The following USP33 variants were observed in gnomAD, a reference collection of about 807,000 sequenced individuals.
The protein encoded by USP33 is ubiquitin specific peptidase 33.
A neutral mutation model predicts 124.2 loss-of-function variants in USP33; 46 were observed. That is an observed-to-expected ratio of 0.37 (90% CI 0.29 to 0.47). The LOEUF (loss-of-function observed/expected upper bound fraction) is 0.47. Ranked by LOEUF, USP33 falls within the 20% of genes least tolerant of loss-of-function variation. The probability of loss-of-function intolerance (pLI) is 0.99; values close to 1 mark genes in which losing one functional copy is unlikely to be tolerated. For missense variants in USP33, 851 were observed against 1,070.6 expected, an observed-to-expected ratio of 0.79 and a Z score of 2.86; for synonymous variants, 350 against 352.3, an observed-to-expected ratio of 0.99 and a Z score of 0.07.
At chr1:77,718,747 T>G in intron 15 of USP33, 106 bp from the exon 16 acceptor site, 5 of 873,590 alleles carry the variant, frequency 5.7e-6, no homozygotes, top group Non-Finnish European at 7.3e-6. Context: ...CTGGCAAACA[T>G]GGTGAAATCC....
chr1:77,720,468 T>G (rs556984497), intron 15 of USP33: 7 of 985,414 alleles, frequency 7.1e-6, no homozygotes, highest in East Asian at 2.3e-4. Context: ...ATCAACCAAA[T>G]AGTATACCAT....
intron 19 of USP33, among the ~76,000 whole-genome samples, chr1:77,713,694 G>A (rs1437121494): frequency 1.3e-5 from 2 of 151,218 alleles, no homozygotes; most frequent in Non-Finnish European, 2.9e-5. Context: ...ATTGTGTCTG[G>A]CCATTTTTTT....
intron 21 of USP33, among the ~76,000 whole-genome samples, chr1:77,704,428 C>G (rs754732667): frequency 8.8e-4 from 134 of 152,306 alleles, no homozygotes; most frequent in Non-Finnish European, 1.6e-3. Flanking sequence ...TGAAAACTTT[C>G]AGGACTTACT....
chr1:77,706,228 C>T (rs1674613580), intron 21 of USP33, among the ~76,000 whole-genome samples: 1 of 152,170 alleles, frequency 6.6e-6, no homozygotes, highest in Admixed American at 6.5e-5. Context: ...AATTACCAAA[C>T]TGTTTATCAT....
chr1:77,700,618 A>G (rs1236477873), intron 22 of USP33, among the ~76,000 whole-genome samples: 1 of 152,102 alleles, frequency 6.6e-6, no homozygotes, highest in Non-Finnish European at 1.5e-5. Flanking sequence ...CTATTAATTT[A>G]AAATTTTAAA....
intron 1 of USP33, among the ~76,000 whole-genome samples, chr1:77,741,961 C>T (rs780531577): frequency 2.0e-4 from 30 of 152,100 alleles, no homozygotes; most frequent in Non-Finnish European, 4.0e-4. Context: ...AATTTCTCTA[C>T]TACATAAACA....
At chr1:77,736,225 CTT>C (rs1317762819) in intron 5 of USP33, 67 bp from the exon 6 acceptor site, 21 of 1,031,134 alleles carry the variant, frequency 2.0e-5, no homozygotes, top group African/African-American at 3.3e-5. Flanking sequence ...TTAATTGTAA[CTT>C]ATATAACATC....
intron 1 of USP33, among the ~76,000 whole-genome samples, chr1:77,748,483 A>G (rs1679953649): frequency 6.6e-6 from 1 of 152,102 alleles, no homozygotes; most frequent in Non-Finnish European, 1.5e-5. Context: ...AGCCTGGTCA[A>G]TATGGTGAAA....
At chr1:77,750,628 GAAAGAAAGAAAGAA>G (rs1680221262) in intron 1 of USP33, among the ~76,000 whole-genome samples, 1 of 35,402 alleles carries the variant, frequency 2.8e-5, no homozygotes, top group Non-Finnish European at 6.5e-5. Context: ...ACTTAAAAAA[GAAAGAAAGAAAGAA>G]AGAAAGAAAG....
In USP33 at chr1:77,756,118, C is replaced by CT. The variant is rs1363921623; in HGVS notation, c.-52+3524dup. Among the ~76,000 whole-genome samples the CT allele has an allele frequency of 3.3e-5, 5 of 152,138 alleles. No individual in the cohort carries two copies. The East Asian group carries it at 5.8e-4, about 18-fold the overall frequency. ...GATCCCTCCTTACTTTTTTCATTTA[C>CT]TTTTTTTGAAATGGGAGGCTCTCTA... On this transcript the variant is annotated intron_variant, in intron 1 of 23. Coordinates refer to ENST00000370794, the MANE Select transcript of USP33 (RefSeq NM_201624.3).
At position 77,736,798 on chromosome 1, in the gene USP33, AG is replaced by A. The variant is rs556713315; in HGVS notation, c.352-641del. ...CTAATTTTTGTATTTTTAGTAGAGA[AG>A]GGGTTTCACCATGTTGGCCTGAATG... On this transcript the variant is annotated intron_variant, in intron 5 of 23. Coordinates refer to ENST00000370794, the MANE Select transcript of USP33 (RefSeq NM_201624.3). 1.4e-4 allele frequency among the ~76,000 whole-genome samples: 22 copies of A among 152,096 alleles called. No individual in the cohort carries two copies. In the South Asian group the frequency reaches 4.4e-3, roughly 30 times the overall value.
At chr1:77,735,630 T>C in intron 6 of USP33, among the ~76,000 whole-genome samples, 1 of 152,172 alleles carries the variant, frequency 6.6e-6, no homozygotes, top group East Asian at 1.9e-4. Context: ...TAAAAGAATA[T>C]GAAAAATCCA....
Position 77,723,470 on chromosome 1 carries a change from A to T in USP33, c.1277-27T>A, listed in dbSNP as rs765822773. On this transcript the variant is annotated intron_variant, in intron 11 of 23. Coordinates refer to ENST00000370794, the MANE Select transcript of USP33 (RefSeq NM_201624.3). ...TAGGATTGAAAAACATTAAAAAAAA[A>T]TCAAAGCAGCTCCTTTAACATTTTT... is the stretch of plus-strand genomic sequence containing the variant. 9.5e-6 allele frequency: 14 copies of T among 1,471,772 alleles called. No homozygotes were observed. The East Asian group carries it at 3.0e-4, about 31-fold the overall frequency. 91.2% of individuals were successfully genotyped at this position (1,471,772 alleles called of 1,614,324 possible).
intron 5 of USP33, among the ~76,000 whole-genome samples, chr1:77,738,487 CT>C (rs965765130): frequency 2.2e-3 from 321 of 144,276 alleles, no homozygotes; most frequent in Middle Eastern, 3.5e-3. Flanking sequence ...ATCTTTTTTT[CT>C]TTTTTTTTTT....
chr1:77,720,631 CA>C (rs2101373337), intron 15 of USP33: 1 of 985,124 alleles, frequency 1.0e-6, no homozygotes, highest in Admixed American at 6.1e-5. Flanking sequence ...CTTTGCCTCA[CA>C]AATAGTTGCT....
intron 4 of USP33, among the ~76,000 whole-genome samples, chr1:77,740,041 T>C (rs1044588355): frequency 1.3e-5 from 2 of 152,226 alleles, no homozygotes; most frequent in Non-Finnish European, 2.9e-5. Context: ...GAATCCTGGT[T>C]GAGAACAGTT....
chr1:77,729,042 T>C (rs996296674), intron 9 of USP33, among the ~76,000 whole-genome samples: 3 of 152,034 alleles, frequency 2.0e-5, no homozygotes, highest in Non-Finnish European at 4.4e-5. Context: ...TGGGACCAGA[T>C]GCACGTGCCA....
chr1:77,758,427 G>A (rs969984864), intron 1 of USP33, among the ~76,000 whole-genome samples: 9 of 151,934 alleles, frequency 5.9e-5, no homozygotes, highest in Non-Finnish European at 1.2e-4. Flanking sequence ...GTGATCGTCG[G>A]CCTCCCAGAG....
rs1006249197 is a variant in USP33, at chr1:77,759,633, C to T, written c.-52+10G>A. On this transcript the variant is annotated intron_variant, in intron 1 of 23. Coordinates refer to ENST00000370794, the MANE Select transcript of USP33 (RefSeq NM_201624.3). ...GGGCCCCGCGCCCCTCCCAGCAGCG[C>T]CGCGCTCACCTCCACGGCCTGGCCC... 11 of 398,654 alleles carry T rather than the reference C, an allele frequency of 2.8e-5. No individual in the cohort carries two copies. The highest frequency in any genetic ancestry group is 2.7e-5 in the Non-Finnish European group (6 of 226,254). The allele number at this position is 398,654 out of a possible 1,614,324, so 24.7% of individuals were successfully genotyped here.
Sources: allele counts gnomAD v4.1 joint callset (sites outside exome capture counted in the v4.1 genomes callset), GRCh38; gene constraint gnomAD v4.1.1; transcripts MANE v1.5; gene names NCBI Gene and HGNC (gene_info 2026-07-23, HGNC 2026-07-21).